Variants in IQCM observed in about 807,000 individuals in gnomAD.
IQCM encodes the protein IQ motif containing M.
A neutral mutation model predicts 57.6 loss-of-function variants in IQCM; 45 were observed. The observed-to-expected ratio is 0.78, with a 90% CI of 0.62 to 1.00. The LOEUF is 1.00. IQCM is among the 50% of genes least tolerant of loss of function. The pLI, the probability that IQCM is intolerant of heterozygous loss-of-function variation, is 0.00. For missense variants in IQCM, 468 were observed against 511.6 expected, an observed-to-expected ratio of 0.91 and a Z score of 0.82; for synonymous variants, 148 against 158.9, an observed-to-expected ratio of 0.93 and a Z score of 0.51.
At chr4:149,622,866 A>G (rs545062988) in intron 7 of IQCM, among the ~76,000 whole-genome samples, 1 of 152,230 alleles carries the variant, frequency 6.6e-6, no homozygotes, top group South Asian at 2.1e-4. Flanking sequence ...GCAATATCTC[A>G]TATTTTAGAT....
At chr4:149,747,427 T>C (rs1188168398) in intron 2 of IQCM, among the ~76,000 whole-genome samples, 1 of 152,218 alleles carries the variant, frequency 6.6e-6, no homozygotes, top group East Asian at 1.9e-4. Flanking sequence ...AGATTATTTA[T>C]AATGCCTAAT....
chr4:149,728,039 C>A (rs1423967747), intron 5 of IQCM, among the ~76,000 whole-genome samples: 4 of 152,178 alleles, frequency 2.6e-5, no homozygotes, highest in Non-Finnish European at 5.9e-5. Flanking sequence ...CCTCCCCTCA[C>A]CAGAGCCAGT....
intron 5 of IQCM, among the ~76,000 whole-genome samples, chr4:149,714,061 A>T (rs773911412): frequency 5.9e-5 from 9 of 152,152 alleles, no homozygotes; most frequent in African/African-American, 9.7e-5. Context: ...TGAATTGATC[A>T]CGCTACTAAA....
chr4:149,789,380 T>A (rs1430708509), intron 2 of IQCM, among the ~76,000 whole-genome samples: 2 of 152,206 alleles, frequency 1.3e-5, no homozygotes, highest in Non-Finnish European at 2.9e-5. Flanking sequence ...AAAAACATAC[T>A]GCCATTTGTA....
chr4:149,658,771 C>A (rs1419231849), intron 7 of IQCM, among the ~76,000 whole-genome samples: 2 of 151,930 alleles, frequency 1.3e-5, no homozygotes, highest in Non-Finnish European at 2.9e-5. Context: ...AGTTCTTTTT[C>A]AGACAGTTCA....
At chr4:149,629,256 C>T (rs1439489022) in intron 7 of IQCM, among the ~76,000 whole-genome samples, 1 of 152,122 alleles carries the variant, frequency 6.6e-6, no homozygotes, top group Non-Finnish European at 1.5e-5. Context: ...AGGGTATAAA[C>T]TTGAACTCAC....
intron 7 of IQCM, among the ~76,000 whole-genome samples, chr4:149,677,637 T>C (rs1004274451): frequency 2.0e-5 from 3 of 151,944 alleles, no homozygotes; most frequent in Non-Finnish European, 2.9e-5. Flanking sequence ...CATCCACAAG[T>C]AACAACCACA....
intron 13 of IQCM, among the ~76,000 whole-genome samples, chr4:149,409,090 A>G (rs1733188923): frequency 6.6e-6 from 1 of 152,232 alleles, no homozygotes; most frequent in Admixed American, 6.5e-5. Flanking sequence ...TCATTCTGGA[A>G]AATAAGGATG....
intron 12 of IQCM, among the ~76,000 whole-genome samples, chr4:149,450,750 C>G (rs867368134): frequency 6.6e-6 from 1 of 151,856 alleles, no homozygotes. Flanking sequence ...AACCCTCAAA[C>G]ACTGTTTGTG....
chr4:149,435,835 C>T (rs1735313389), intron 12 of IQCM, among the ~76,000 whole-genome samples: 1 of 151,944 alleles, frequency 6.6e-6, no homozygotes, highest in Non-Finnish European at 1.5e-5. Flanking sequence ...ATAGGGCTTA[C>T]AGAATAAGAA....
intron 12 of IQCM, among the ~76,000 whole-genome samples, chr4:149,464,062 C>T (rs1738584601): frequency 6.6e-6 from 1 of 152,120 alleles, no homozygotes; most frequent in Admixed American, 6.6e-5. Flanking sequence ...GTTAGGTACA[C>T]AGGTAGAATT....
rs75388388 is a variant in IQCM at position 149,808,816 on chromosome 4, T to C, written c.-49+6495A>G. On this transcript the variant is annotated intron_variant, in intron 2 of 13. Transcript: ENST00000636793. ...CAGAATGTAATGAAATTTAGAAGGGTATGACTGTAGTATCTAAGTTTTGTG... is the reference window on the plus strand; with the variant it reads ...CAGAATGTAATGAAATTTAGAAGGGCATGACTGTAGTATCTAAGTTTTGTG... 2.2e-3 allele frequency among the ~76,000 whole-genome samples: 328 copies of C among 152,282 alleles called. 2 individuals carry two copies. The highest frequency in any genetic ancestry group is 3.9e-3 in the Non-Finnish European group (268 of 68,006).
intron 5 of IQCM, among the ~76,000 whole-genome samples, chr4:149,688,297 T>C (rs919376660): frequency 6.6e-6 from 1 of 151,984 alleles, no homozygotes; most frequent in Non-Finnish European, 1.5e-5. Context: ...AGCTCTTCCA[T>C]ACACCAACAG....
intron 10 of IQCM, among the ~76,000 whole-genome samples, chr4:149,554,299 G>A (rs1472952223): frequency 6.6e-6 from 1 of 151,986 alleles, no homozygotes; most frequent in African/African-American, 2.4e-5. Context: ...GCATTCCAGA[G>A]CCCACTTAAT....
At chr4:149,657,507 C>G in intron 7 of IQCM, among the ~76,000 whole-genome samples, 1 of 152,058 alleles carries the variant, frequency 6.6e-6, no homozygotes, top group East Asian at 1.9e-4. Context: ...CAGAATTCAT[C>G]TCCTGTGGAT....
chr4:149,609,161 A>G (rs1755054959), intron 8 of IQCM, among the ~76,000 whole-genome samples: 1 of 151,720 alleles, frequency 6.6e-6, no homozygotes, highest in South Asian at 2.1e-4. Flanking sequence ...AAACTCCTAG[A>G]CACATGCAAC....
At chr4:149,400,192 A>G (rs2111125398) in intron 13 of IQCM, among the ~76,000 whole-genome samples, 1 of 150,494 alleles carries the variant, frequency 6.6e-6, no homozygotes, top group Middle Eastern at 3.4e-3. Context: ...TCCCTGGGAC[A>G]TCAGGAATAG....
intron 7 of IQCM, among the ~76,000 whole-genome samples, chr4:149,654,658 T>C (rs1170872094): frequency 1.3e-5 from 2 of 152,144 alleles, no homozygotes; most frequent in East Asian, 1.9e-4. Context: ...CATAATACAC[T>C]GTACATTTAC....
At chr4:149,417,346 T>C (rs1173575455) in intron 13 of IQCM, among the ~76,000 whole-genome samples, 2 of 152,136 alleles carry the variant, frequency 1.3e-5, no homozygotes, top group Non-Finnish European at 2.9e-5. Flanking sequence ...TCTATCTGCA[T>C]GTTCATCTCT....
Sources: gnomAD v4.1 joint callset for allele counts (sites outside exome capture counted in the v4.1 genomes callset) on GRCh38, gnomAD v4.1.1 for gene constraint, MANE v1.5 for transcripts, NCBI Gene and HGNC (gene_info 2026-07-23, HGNC 2026-07-21) for gene names.